ZFPM2: variants seen among roughly 807,000 people sequenced by gnomAD.
ZFPM2 encodes zinc finger protein, FOG family member 2, also known as zinc finger protein ZFPM2.
A neutral mutation model predicts 98.6 loss-of-function variants in ZFPM2; 20 were observed. The ratio of observed to expected loss-of-function variants is 0.20; its 90% confidence interval spans 0.14 to 0.29. ZFPM2 has a LOEUF of 0.29. ZFPM2 is among the 10% of genes least tolerant of loss of function. The probability of loss-of-function intolerance (pLI) is 1.00; values close to 1 mark genes in which losing one functional copy is unlikely to be tolerated. For missense variants in ZFPM2, 1,310 were observed against 1,388.6 expected, an observed-to-expected ratio of 0.94 and a Z score of 0.90; for synonymous variants, 518 against 502.7, an observed-to-expected ratio of 1.03 and a Z score of -0.41.
At chr8:105,719,675 G>A (rs958244420) in intron 5 of ZFPM2, among the ~76,000 whole-genome samples, 5 of 151,870 alleles carry the variant, frequency 3.3e-5, no homozygotes, top group Non-Finnish European at 7.4e-5. Flanking sequence ...CATCTAATAA[G>A]TAGTAAAACC....
intron 7 of ZFPM2, 147 bp from the exon 8 acceptor site, chr8:105,800,900 C>A: frequency 1.4e-6 from 1 of 725,878 alleles, no homozygotes; most frequent in South Asian, 1.9e-5. Flanking sequence ...TAAGAGATGT[C>A]ACAAGAAAAC....
intron 1 of ZFPM2, among the ~76,000 whole-genome samples, chr8:105,408,657 C>T: frequency 6.6e-6 from 1 of 151,690 alleles, no homozygotes; most frequent in South Asian, 2.1e-4. Flanking sequence ...GCGGGATCTA[C>T]AACAATGCTT....
At chr8:105,371,095 G>T (rs1810613768) in intron 1 of ZFPM2, among the ~76,000 whole-genome samples, 1 of 152,298 alleles carries the variant, frequency 6.6e-6, no homozygotes, top group South Asian at 2.1e-4. Flanking sequence ...ATGTTAGGTA[G>T]AACTTTGTTA....
At chr8:105,532,555 G>A (rs975326816) in intron 3 of ZFPM2, among the ~76,000 whole-genome samples, 4 of 152,124 alleles carry the variant, frequency 2.6e-5, no homozygotes, top group African/African-American at 9.7e-5. Flanking sequence ...CTAATCAAAT[G>A]TTAAGATTTT....
At chr8:105,798,365 G>T in intron 6 of ZFPM2, 1 of 159,544 alleles carries the variant, frequency 6.3e-6, no homozygotes, top group Non-Finnish European at 1.4e-5. Context: ...CAGGAGAATT[G>T]CTTGAACCCA....
At chr8:105,598,565 C>T (rs1424155990) in intron 4 of ZFPM2, among the ~76,000 whole-genome samples, 1 of 152,070 alleles carries the variant, frequency 6.6e-6, no homozygotes, top group Non-Finnish European at 1.5e-5. Context: ...CTTTTTCTCT[C>T]TCTTTAAAAA....
intron 5 of ZFPM2, among the ~76,000 whole-genome samples, chr8:105,777,372 T>C (rs1813128531): frequency 6.6e-6 from 1 of 152,206 alleles, no homozygotes; most frequent in East Asian, 1.9e-4. Context: ...ATTTGGCAAA[T>C]AGTTTCTACC....
intron 1 of ZFPM2, among the ~76,000 whole-genome samples, chr8:105,395,217 A>T (rs138833088): frequency 1.3e-5 from 2 of 152,110 alleles, no homozygotes; most frequent in Non-Finnish European, 2.9e-5. Context: ...GCTGCCTCCA[A>T]TTTTGCACTT....
Position 105,460,266 on chromosome 8 carries a change from C to T in ZFPM2, c.301+15885C>T, listed in dbSNP as rs1430432395. ...CAGTGGCCTAACGGATCTGCTGGCT[C>T]TTCCAAATCCTGGAGAATTTAGAGA... On this transcript the variant is annotated intron_variant, in intron 3 of 7. Transcript: ENST00000407775. Among the ~76,000 whole-genome samples the T allele has an allele frequency of 2.6e-5, 4 of 152,138 alleles. No individual in the cohort carries two copies. The East Asian group carries it at 7.7e-4, about 29-fold the overall frequency.
chr8:105,431,926 A>C (rs1484363718), intron 2 of ZFPM2, among the ~76,000 whole-genome samples: 2 of 151,826 alleles, frequency 1.3e-5, no homozygotes, highest in African/African-American at 4.9e-5. Context: ...TGTCTCAAAA[A>C]AAAGAAAAAG....
At chr8:105,707,241 CAAA>C (rs113671142) in intron 5 of ZFPM2, among the ~76,000 whole-genome samples, 1 of 117,116 alleles carries the variant, frequency 8.5e-6, no homozygotes, top group Non-Finnish European at 1.8e-5. Flanking sequence ...GACTTTGTCT[CAAA>C]AAAAAAAAAA....
chr8:105,361,075 T>A (rs1383065635), intron 1 of ZFPM2, among the ~76,000 whole-genome samples: 4 of 127,942 alleles, frequency 3.1e-5, no homozygotes, highest in South Asian at 6.0e-4. Flanking sequence ...GTTGAACTAG[T>A]TTACAGTCCC....
chr8:105,478,183 G>A (rs1399624937), intron 3 of ZFPM2, among the ~76,000 whole-genome samples: 4 of 152,162 alleles, frequency 2.6e-5, no homozygotes, highest in Admixed American at 6.5e-5. Flanking sequence ...AGTTCAAGTG[G>A]CAGCATCCAG....
chr8:105,564,517 G>T (rs1179978701), intron 4 of ZFPM2, among the ~76,000 whole-genome samples: 3 of 151,668 alleles, frequency 2.0e-5, no homozygotes, highest in Non-Finnish European at 4.4e-5. Flanking sequence ...ACATCAAATT[G>T]GTTAACATAT....
intron 1 of ZFPM2, among the ~76,000 whole-genome samples, chr8:105,400,050 G>A (rs1408112576): frequency 6.6e-6 from 1 of 152,122 alleles, no homozygotes; most frequent in African/African-American, 2.4e-5. Context: ...TTACAGGTGT[G>A]AGCCACTGCC....
At chr8:105,463,304 T>C (rs369433286) in intron 3 of ZFPM2, among the ~76,000 whole-genome samples, 2 of 151,764 alleles carry the variant, frequency 1.3e-5, no homozygotes, top group African/African-American at 4.8e-5. Context: ...TGTATATATA[T>C]ACACATATAT....
intron 5 of ZFPM2, among the ~76,000 whole-genome samples, chr8:105,701,471 A>G (rs1351385247): frequency 3.3e-5 from 5 of 152,210 alleles, no homozygotes; most frequent in Non-Finnish European, 7.3e-5. Context: ...AAGTAAACTT[A>G]CTATTCTGTA....
intron 3 of ZFPM2, among the ~76,000 whole-genome samples, chr8:105,559,050 C>G (rs1331734544): frequency 1.3e-5 from 2 of 151,838 alleles, no homozygotes; most frequent in Non-Finnish European, 2.9e-5. Context: ...CCCACTGATT[C>G]CTCTCTGACA....
chr8:105,783,553 T>A (rs1428082357), intron 5 of ZFPM2, among the ~76,000 whole-genome samples: 3 of 152,104 alleles, frequency 2.0e-5, no homozygotes, highest in African/African-American at 7.2e-5. Flanking sequence ...CTCATCCCCG[T>A]ATCCCAGCCC....
Sources: gnomAD v4.1 joint callset for allele counts (sites outside exome capture counted in the v4.1 genomes callset) on GRCh38, gnomAD v4.1.1 for gene constraint, MANE v1.5 for transcripts, NCBI Gene and HGNC (gene_info 2026-07-23, HGNC 2026-07-21) for gene names.